GPR160: variants seen among roughly 807,000 people sequenced by gnomAD.
GPR160 encodes the protein probable G protein-coupled receptor 160.
A neutral mutation model predicts 2.6 loss-of-function variants in GPR160; 2 were observed. That is an observed-to-expected ratio of 0.77 (90% CI 0.32 to 2.44). The LOEUF is 2.44. Among genes scored for constraint, GPR160 ranks in the 30% most tolerant of loss-of-function variants. The pLI, the probability that GPR160 is intolerant of heterozygous loss-of-function variation, is 0.11. For synonymous variants in GPR160, 130 were observed against 132.2 expected (o/e 0.98, Z 0.12); for missense variants, 351 against 383.6 (o/e 0.91, Z 0.71).
chr3:170,053,702 T>C (rs1559983860), intron 2 of GPR160, among the ~76,000 whole-genome samples: 1 of 152,326 alleles, frequency 6.6e-6, no homozygotes, highest in East Asian at 1.9e-4. Context: ...TCTTTCACAC[T>C]TAAGTATAAT....
At chr3:170,063,600 G>T (rs1449443184) in intron 2 of GPR160, among the ~76,000 whole-genome samples, 1 of 137,056 alleles carries the variant, frequency 7.3e-6, no homozygotes, top group African/African-American at 2.8e-5. Context: ...AGAGCCAAAC[G>T]TGAACTAGGA....
At chr3:170,044,341 A>G in intron 2 of GPR160, among the ~76,000 whole-genome samples, 1 of 149,154 alleles carries the variant, frequency 6.7e-6, no homozygotes, top group African/African-American at 2.4e-5. Context: ...AAAAAAAAAG[A>G]GAAGAGAAAA....
At chr3:170,066,361 A>G (rs750134006) in intron 2 of GPR160, among the ~76,000 whole-genome samples, 67 of 151,668 alleles carry the variant, frequency 4.4e-4, no homozygotes, top group Non-Finnish European at 6.8e-4. Flanking sequence ...GGATGGTCTC[A>G]ATCTCCTGAC....
At position 170,052,718 on chromosome 3, in the gene GPR160, G is replaced by T. The variant is rs111814231; in HGVS notation, c.-193+13675G>T. Reference sequence around the variant, plus strand: ...TTTCATTTTCTTATGATGAACAGAAGAATCTAATTTTAATGAGTTCACTTT... The same window carrying T: ...TTTCATTTTCTTATGATGAACAGAATAATCTAATTTTAATGAGTTCACTTT... On this transcript the variant is annotated intron_variant, in intron 2 of 3. Transcript: ENST00000355897. Among the ~76,000 whole-genome samples, 38 of 152,276 alleles carry T rather than the reference G, an allele frequency of 2.5e-4. 2 individuals are homozygous for T. Among genetic ancestry groups the T allele is most frequent in the African/African-American group, 9.1e-4 (38 of 41,568 alleles).
chr3:170,040,447 C>A (rs185745135), intron 2 of GPR160, among the ~76,000 whole-genome samples: 37 of 152,224 alleles, frequency 2.4e-4, no homozygotes, highest in Non-Finnish European at 1.0e-4. Flanking sequence ...CTGGAGGTGC[C>A]GATTTATTTT....
intron 2 of GPR160, among the ~76,000 whole-genome samples, chr3:170,064,468 C>T (rs1415788857): frequency 4.7e-5 from 7 of 148,490 alleles, no homozygotes; most frequent in African/African-American, 1.5e-4. Flanking sequence ...GAGTAGGTGG[C>T]GGCCTCGACC....
At chr3:170,081,876 C>T (rs529886548) in intron 3 of GPR160, among the ~76,000 whole-genome samples, 7 of 152,284 alleles carry the variant, frequency 4.6e-5, no homozygotes, top group African/African-American at 1.7e-4. Flanking sequence ...GACTCCAACT[C>T]CATCCATGTT....
intron 2 of GPR160, among the ~76,000 whole-genome samples, chr3:170,070,677 TC>T (rs1051092492): frequency 1.3e-5 from 2 of 152,234 alleles, no homozygotes; most frequent in Non-Finnish European, 2.9e-5. Context: ...TCTCTAGTGT[TC>T]CTCAGCATCA....
intron 2 of GPR160, among the ~76,000 whole-genome samples, chr3:170,047,510 A>T (rs958052711): frequency 6.6e-6 from 1 of 152,164 alleles, no homozygotes; most frequent in Admixed American, 6.6e-5. Context: ...CATTTTATAA[A>T]CAATTCATTT....
At chr3:170,067,765 AG>A (rs551660058) in intron 2 of GPR160, among the ~76,000 whole-genome samples, 1 of 152,232 alleles carries the variant, frequency 6.6e-6, no homozygotes, top group South Asian at 2.1e-4. Flanking sequence ...TAAAAAAAAA[AG>A]TTATCTGGGA....
At chr3:170,050,569 C>T in intron 2 of GPR160, among the ~76,000 whole-genome samples, 1 of 152,240 alleles carries the variant, frequency 6.6e-6, no homozygotes, top group South Asian at 2.1e-4. Flanking sequence ...ACCACGCCCA[C>T]CTAATTTTTT....
intron 2 of GPR160, among the ~76,000 whole-genome samples, chr3:170,060,636 G>A (rs1292831795): frequency 1.3e-5 from 2 of 152,062 alleles, no homozygotes; most frequent in African/African-American, 2.4e-5. Flanking sequence ...GGGCATGGTG[G>A]TGCACACCTC....
At position 170,076,548 on chromosome 3, in the gene GPR160, A is replaced by AT. The variant is rs910726928; in HGVS notation, c.-192-3216dup. Among the ~76,000 whole-genome samples, 198 of 149,216 alleles carry AT rather than the reference A, an allele frequency of 1.3e-3. 1 individual carries two copies. The highest frequency in any genetic ancestry group is 4.1e-3 in the African/African-American group (167 of 40,764). ...TCGCTTTTTTATTTTTTTAATTATT[A>AT]TTTTTTTTTTGAGATAACTGTGTCT... On this transcript the variant is annotated intron_variant, in intron 2 of 3. Transcript: ENST00000355897.
At chr3:170,082,346 T>C (rs1018112829) in intron 3 of GPR160, among the ~76,000 whole-genome samples, 6 of 152,172 alleles carry the variant, frequency 3.9e-5, no homozygotes, top group Admixed American at 1.3e-4. Context: ...GTATGAAAAC[T>C]AAGTCTTCCT....
intron 2 of GPR160, among the ~76,000 whole-genome samples, chr3:170,070,419 T>C (rs778243943): frequency 1.3e-5 from 2 of 152,232 alleles, no homozygotes; most frequent in Non-Finnish European, 2.9e-5. Flanking sequence ...CAAGGTACTC[T>C]TCAATTTCCA....
Position 170,085,212 on chromosome 3 carries a change from A to G in GPR160, c.*223A>G, listed in dbSNP as rs1036922736. 1.9e-5 allele frequency: 6 copies of G among 312,030 alleles called. No individual in the cohort carries two copies. The highest frequency in any genetic ancestry group is 3.7e-5 in the Non-Finnish European group (6 of 163,816). The allele number at this position is 312,030 out of a possible 1,614,324, so 19.3% of individuals were successfully genotyped here. A position where few individuals can be genotyped will look rare whatever the true frequency, so the allele number is the denominator to read the frequency against. On this transcript the variant is annotated 3_prime_UTR_variant, in exon 4 of 4. Transcript: ENST00000355897. ...GTTTTTATAGTTATTCAGGGACACT[A>G]TATTACAAATATTACTTTGTTATTA...
At chr3:170,052,927 A>G (rs1717020231) in intron 2 of GPR160, among the ~76,000 whole-genome samples, 1 of 151,576 alleles carries the variant, frequency 6.6e-6, no homozygotes, top group Non-Finnish European at 1.5e-5. Context: ...TTTTTTTCAT[A>G]CGGTTATCCA....
At chr3:170,048,126 T>C (rs1716807979) in intron 2 of GPR160, among the ~76,000 whole-genome samples, 1 of 152,198 alleles carries the variant, frequency 6.6e-6, no homozygotes, top group Admixed American at 6.5e-5. Flanking sequence ...ACCATGCCCA[T>C]GAAGGCCATT....
At chr3:170,061,491 TA>T (rs1369993724) in intron 2 of GPR160, among the ~76,000 whole-genome samples, 1 of 151,992 alleles carries the variant, frequency 6.6e-6, no homozygotes, top group Admixed American at 6.6e-5. Context: ...CAGTTTTAAT[TA>T]ATGGGACAGT....
Sources: gnomAD v4.1 joint callset for allele counts (sites outside exome capture counted in the v4.1 genomes callset) on GRCh38, gnomAD v4.1.1 for gene constraint, MANE v1.5 for transcripts, NCBI Gene and HGNC (gene_info 2026-07-23, HGNC 2026-07-21) for gene names.